The following TEX36 variants were observed in gnomAD, a reference collection of about 807,000 sequenced individuals.
The protein encoded by TEX36 is testis expressed 36.
Under a neutral mutation model 13.6 loss-of-function variants are expected in TEX36, and 12 were observed. The ratio of observed to expected loss-of-function variants is 0.88; its 90% CI spans 0.56 to 1.43. The LOEUF is 1.43. TEX36 is among the 40% of genes most tolerant of loss of function. The pLI is 0.00. For synonymous variants in TEX36, 93 were observed against 83.0 expected, an observed-to-expected ratio of 1.12 and a Z score of -0.65; for missense variants, 224 against 228.3, an observed-to-expected ratio of 0.98 and a Z score of 0.12.
At chr10:125,664,185 G>A (rs1847090364) in intron 1 of TEX36, among the ~76,000 whole-genome samples, 1 of 152,096 alleles carries the variant, frequency 6.6e-6, no homozygotes. Context: ...TCATTTTTAT[G>A]GCTGAATAGT....
At chr10:125,630,716 G>A (rs1254280811) in intron 3 of TEX36, among the ~76,000 whole-genome samples, 4 of 152,104 alleles carry the variant, frequency 2.6e-5, no homozygotes, top group Admixed American at 6.6e-5. Flanking sequence ...GATGGCACCC[G>A]GTCCTAATGC....
chr10:125,651,527 C>T (rs1036274460), downstream of TEX36, among the ~76,000 whole-genome samples: 5 of 152,104 alleles, frequency 3.3e-5, no homozygotes, highest in Admixed American at 2.0e-4. Context: ...ATGACAAACC[C>T]ACAGCCAATA....
Position 125,596,719 on chromosome 10 carries a change from C to A in TEX36, c.265-19845G>T, listed in dbSNP as rs61423969. On this transcript the variant is annotated intron_variant, in intron 3 of 3. Transcript: ENST00000532135. ...AAAGAAAAGGAAATCTCAGTAGATGCTGAGAGAGCATTCAACCACCTGCAT... is the reference window on the plus strand; with the variant it reads ...AAAGAAAAGGAAATCTCAGTAGATGATGAGAGAGCATTCAACCACCTGCAT... Among the ~76,000 whole-genome samples, 410 of 152,300 alleles carry A rather than the reference C, an allele frequency of 2.7e-3. 1 individual carries two copies. Among genetic ancestry groups the A allele is most frequent in the African/African-American group, 8.2e-3 (341 of 41,556 alleles).
chr10:125,667,884 T>C, intron 1 of TEX36: 7 of 1,518,408 alleles, frequency 4.6e-6, no homozygotes, highest in Non-Finnish European at 5.5e-6. Flanking sequence ...AGTGCCACGA[T>C]GCGGTGAGCG....
chr10:125,618,575 G>A (rs189446800), downstream of TEX36, among the ~76,000 whole-genome samples: 75 of 152,146 alleles, frequency 4.9e-4, no homozygotes, highest in African/African-American at 1.7e-3. Flanking sequence ...CCCTGCTGGG[G>A]GGTGCCTCTC....
chr10:125,601,918 C>T (rs977293206), intron 3 of TEX36, among the ~76,000 whole-genome samples: 2 of 152,200 alleles, frequency 1.3e-5, no homozygotes, highest in Non-Finnish European at 2.9e-5. Flanking sequence ...AGAGGCAGCA[C>T]CTGCATGCGG....
intron 3 of TEX36, among the ~76,000 whole-genome samples, chr10:125,629,083 C>A (rs916936136): frequency 1.3e-5 from 2 of 152,102 alleles, no homozygotes; most frequent in Admixed American, 1.3e-4. Flanking sequence ...CTCTGTAGTT[C>A]GGAATTTGTG....
At chr10:125,672,776 C>T (rs1214465579) in intron 1 of TEX36, among the ~76,000 whole-genome samples, 1 of 152,142 alleles carries the variant, frequency 6.6e-6, no homozygotes, top group African/African-American at 2.4e-5. Context: ...CTTTGTAGTT[C>T]TCTAAGAACT....
chr10:125,673,307 G>T (rs1307677723), intron 1 of TEX36, among the ~76,000 whole-genome samples: 1 of 152,196 alleles, frequency 6.6e-6, no homozygotes, highest in Non-Finnish European at 1.5e-5. Flanking sequence ...GGTAGGCCTG[G>T]TGGTGGCAAA....
At chr10:125,661,143 C>A in intron 2 of TEX36, 42 bp from the exon 3 acceptor site, 1 of 1,474,974 alleles carries the variant, frequency 6.8e-7, no homozygotes, top group Non-Finnish European at 9.3e-7. Flanking sequence ...ACATTAGAAC[C>A]CTGCATGCTT....
intron 3 of TEX36, among the ~76,000 whole-genome samples, chr10:125,632,535 A>C (rs568244308): frequency 1.3e-3 from 204 of 152,264 alleles, no homozygotes; most frequent in Non-Finnish European, 2.5e-3. Context: ...AAGCTAAGGG[A>C]GGGAAGAGGG....
intron 3 of TEX36, among the ~76,000 whole-genome samples, chr10:125,592,005 A>G (rs1429610439): frequency 6.6e-6 from 1 of 152,206 alleles, no homozygotes. Flanking sequence ...AGAACTGCAA[A>G]TAAAACTCTA....
intron 1 of TEX36, chr10:125,667,855 A>C: frequency 1.3e-6 from 2 of 1,513,532 alleles, no homozygotes; most frequent in South Asian, 2.3e-5. Context: ...ACTCATCTGC[A>C]GCCAGGATGC....
intron 3 of TEX36, among the ~76,000 whole-genome samples, chr10:125,645,770 T>G (rs1158672979): frequency 6.6e-6 from 1 of 152,086 alleles, no homozygotes; most frequent in African/African-American, 2.4e-5. Flanking sequence ...AGAATTTTTT[T>G]GCAACTTTCT....
downstream of TEX36, among the ~76,000 whole-genome samples, chr10:125,654,875 T>C (rs1470759931): frequency 1.3e-5 from 2 of 152,194 alleles, no homozygotes; most frequent in Non-Finnish European, 2.9e-5. Flanking sequence ...CAACACTTTG[T>C]GCATTACTGT....
intron 3 of TEX36, chr10:125,640,103 G>GA: frequency 2.1e-6 from 2 of 961,840 alleles, no homozygotes; most frequent in Non-Finnish European, 2.5e-6. Context: ...AATGAGCAAA[G>GA]TTGTTTTTTC....
chr10:125,637,954 C>A (rs1268695838), intron 3 of TEX36, among the ~76,000 whole-genome samples: 3 of 152,068 alleles, frequency 2.0e-5, no homozygotes, highest in Admixed American at 2.0e-4. Context: ...CCCCCTCCAA[C>A]TTCCCCTTGG....
At chr10:125,681,191 C>T (rs1847386793) in intron 1 of TEX36, among the ~76,000 whole-genome samples, 1 of 152,222 alleles carries the variant, frequency 6.6e-6, no homozygotes, top group Non-Finnish European at 1.5e-5. Flanking sequence ...GAGCTGGAGT[C>T]ATCCCACACT....
chr10:125,614,246 A>C (rs1022481980), intron 3 of TEX36, among the ~76,000 whole-genome samples: 1 of 152,004 alleles, frequency 6.6e-6, no homozygotes, highest in Admixed American at 6.6e-5. Context: ...GTTCCCTCTG[A>C]TGGTAGTTTC....
Sources: allele counts gnomAD v4.1 joint callset (sites outside exome capture counted in the v4.1 genomes callset), GRCh38; gene constraint gnomAD v4.1.1; transcripts MANE v1.5; gene names NCBI Gene and HGNC (gene_info 2026-07-23, HGNC 2026-07-21).